Variants in CREB5 observed in about 807,000 individuals in gnomAD.
CREB5 encodes cAMP responsive element binding protein 5, also known as cyclic AMP-responsive element-binding protein 5.
CREB5 carries 19 observed loss-of-function variants against 57.1 expected under a neutral mutation model. The ratio of observed to expected loss-of-function variants is 0.33; its 90% CI spans 0.23 to 0.49. The LOEUF is 0.49. CREB5 is among the 20% of genes least tolerant of loss of function. CREB5 has a pLI of 0.99. For missense variants in CREB5, 579 were observed against 671.6 expected, an observed-to-expected ratio of 0.86 and a Z score of 1.52; for synonymous variants, 238 against 238.3, an observed-to-expected ratio of 1.00 and a Z score of 0.01.
At chr7:28,453,403 C>T (rs1789927361) in intron 1 of CREB5, among the ~76,000 whole-genome samples, 1 of 152,174 alleles carries the variant, frequency 6.6e-6, no homozygotes, top group Admixed American at 6.5e-5. Context: ...TGTGCCACTG[C>T]ACTCCAGCCT....
chr7:28,467,341 T>C (rs1171742483), intron 1 of CREB5, among the ~76,000 whole-genome samples: 1 of 152,212 alleles, frequency 6.6e-6, no homozygotes, highest in Non-Finnish European at 1.5e-5. Context: ...CCCCGCTTCC[T>C]GGAACTATAG....
chr7:28,617,770 A>G (rs1797645686), intron 5 of CREB5, among the ~76,000 whole-genome samples: 1 of 152,264 alleles, frequency 6.6e-6, no homozygotes, highest in Admixed American at 6.5e-5. Context: ...CTCTATTTTT[A>G]AAAAATCAGA....
chr7:28,752,930 T>C (rs1010752546), intron 7 of CREB5, among the ~76,000 whole-genome samples: 1 of 151,134 alleles, frequency 6.6e-6, no homozygotes, highest in Non-Finnish European at 1.5e-5. Flanking sequence ...AGTGGGAAGG[T>C]CAGGAAAATA....
chr7:28,635,207 G>A (rs1387884395), intron 5 of CREB5, among the ~76,000 whole-genome samples: 1 of 152,156 alleles, frequency 6.6e-6, no homozygotes, highest in Non-Finnish European at 1.5e-5. Context: ...TGTCGAGTGA[G>A]CCTGCTGAGG....
At chr7:28,348,335 T>A (rs1490101393) in intron 1 of CREB5, among the ~76,000 whole-genome samples, 2 of 152,096 alleles carry the variant, frequency 1.3e-5, no homozygotes, top group East Asian at 3.9e-4. Context: ...AGCAGCTTCC[T>A]CATTTATAAA....
chr7:28,472,236 T>C (rs1790854213), intron 1 of CREB5, among the ~76,000 whole-genome samples: 1 of 152,016 alleles, frequency 6.6e-6, no homozygotes, highest in African/African-American at 2.4e-5. Flanking sequence ...GTTTTCAAGG[T>C]GAATAAGTGT....
chr7:28,373,430 C>CT (rs1562680360), intron 1 of CREB5, among the ~76,000 whole-genome samples: 1 of 128,016 alleles, frequency 7.8e-6, no homozygotes, highest in Non-Finnish European at 1.6e-5. Context: ...TCTTCTTTTT[C>CT]TTTTTTTCTT....
At chr7:28,324,909 A>G (rs888202539) in intron 1 of CREB5, among the ~76,000 whole-genome samples, 6 of 152,186 alleles carry the variant, frequency 3.9e-5, no homozygotes, top group Non-Finnish European at 7.3e-5. Flanking sequence ...ACTGAAGCCA[A>G]AAATCTAGGA....
intron 4 of CREB5, among the ~76,000 whole-genome samples, chr7:28,551,856 TTTTC>T (rs1266295580): frequency 3.3e-4 from 45 of 137,672 alleles, no homozygotes; most frequent in African/African-American, 9.0e-4. Flanking sequence ...TCTTTCTTTC[TTTTC>T]TTTCTTTCTT....
chr7:28,612,639 A>G (rs1318479717), intron 5 of CREB5, among the ~76,000 whole-genome samples: 5 of 150,946 alleles, frequency 3.3e-5, no homozygotes, highest in African/African-American at 1.2e-4. Flanking sequence ...CACAGAAAGT[A>G]GGGGTTTCCA....
intron 4 of CREB5, among the ~76,000 whole-genome samples, chr7:28,518,064 G>C (rs1004186309): frequency 3.9e-5 from 6 of 152,154 alleles, no homozygotes; most frequent in African/African-American, 4.8e-5. Flanking sequence ...TGCTGAGGGT[G>C]GGGGAGCAGC....
chr7:28,353,240 G>C (rs947806036), intron 1 of CREB5, among the ~76,000 whole-genome samples: 7 of 151,986 alleles, frequency 4.6e-5, no homozygotes, highest in Non-Finnish European at 7.4e-5. Context: ...CAGCCACCAC[G>C]CCCAGCTAAT....
chr7:28,804,934 CAT>C (rs1808619641), intron 8 of CREB5, among the ~76,000 whole-genome samples: 1 of 152,144 alleles, frequency 6.6e-6, no homozygotes. Flanking sequence ...TTTAAAACAT[CAT>C]AGAGACTCAA....
At chr7:28,453,152 T>A (rs905770411) in intron 1 of CREB5, among the ~76,000 whole-genome samples, 2 of 152,154 alleles carry the variant, frequency 1.3e-5, no homozygotes, top group Admixed American at 1.3e-4. Context: ...AAAATACATT[T>A]ATTGGCCGGG....
At chr7:28,532,192 G>A (rs1249067157) in intron 4 of CREB5, among the ~76,000 whole-genome samples, 1 of 152,170 alleles carries the variant, frequency 6.6e-6, no homozygotes, top group Non-Finnish European at 1.5e-5. Flanking sequence ...GTGGCCAGGA[G>A]CTGAAGCCCC....
chr7:28,787,668 C>T (rs181442709), intron 7 of CREB5, among the ~76,000 whole-genome samples: 52 of 152,346 alleles, frequency 3.4e-4, no homozygotes, highest in South Asian at 1.9e-3. Flanking sequence ...CATCCTCCCA[C>T]GTCAGCTTCC....
chr7:28,756,574 C>T (rs1158838325), intron 7 of CREB5, among the ~76,000 whole-genome samples: 1 of 148,188 alleles, frequency 6.7e-6, no homozygotes, highest in Non-Finnish European at 1.5e-5. Context: ...AAAAAAACAG[C>T]ACATTGAGTC....
intron 7 of CREB5, among the ~76,000 whole-genome samples, chr7:28,772,100 A>G (rs1302624751): frequency 1.3e-5 from 2 of 152,198 alleles, no homozygotes; most frequent in South Asian, 2.1e-4. Context: ...CCAGACGTTA[A>G]GGGACATGGG....
chr7:28,815,738 G>A (rs546186155), intron 9 of CREB5, among the ~76,000 whole-genome samples: 16 of 152,244 alleles, frequency 1.1e-4, no homozygotes, highest in Admixed American at 7.2e-4. Flanking sequence ...GACATAGTGG[G>A]GGAAGAAATG....
Sources: gnomAD v4.1 joint callset for allele counts (sites outside exome capture counted in the v4.1 genomes callset) on GRCh38, gnomAD v4.1.1 for gene constraint, MANE v1.5 for transcripts, NCBI Gene and HGNC (gene_info 2026-07-23, HGNC 2026-07-21) for gene names.